STIMATE: variants seen among roughly 807,000 people sequenced by gnomAD.
The protein encoded by STIMATE is store-operated calcium entry regulator STIMATE.
A neutral mutation model predicts 36.7 loss-of-function variants in STIMATE; 15 were observed. The observed-to-expected ratio is 0.41, with a 90% CI of 0.27 to 0.63. STIMATE has a LOEUF of 0.63. STIMATE is among the 20% of genes least tolerant of loss of function. The probability of loss-of-function intolerance (pLI) is 0.32; values close to 1 mark genes in which losing one functional copy is unlikely to be tolerated. For synonymous variants in STIMATE, 163 were observed against 162.3 expected (o/e 1.00, Z -0.03); for missense variants, 305 against 397.3 (o/e 0.77, Z 1.98).
At chr3:52,862,093 C>CTCCTGCCCACTCTGCTAG (rs1334952889) in intron 1 of STIMATE, among the ~76,000 whole-genome samples, 1 of 152,180 alleles carries the variant, frequency 6.6e-6, no homozygotes, top group Non-Finnish European at 1.5e-5. Context: ...GCCAAGTTGT[C>CTCCTGCCCACTCTGCTAG]TCCTGCCCAC....
intron 1 of STIMATE, among the ~76,000 whole-genome samples, chr3:52,878,422 C>T (rs969666528): frequency 1.1e-4 from 16 of 151,874 alleles, no homozygotes; most frequent in South Asian, 2.1e-4. Flanking sequence ...CACCTCTTTG[C>T]CTGGTTTAGG....
chr3:52,847,070 T>C (rs1319276584), intron 4 of STIMATE, among the ~76,000 whole-genome samples: 1 of 152,106 alleles, frequency 6.6e-6, no homozygotes, highest in Non-Finnish European at 1.5e-5. Context: ...GCCTGGCTAA[T>C]TAAAAAAAAT....
At chr3:52,891,267 C>T (rs1701778106) in intron 1 of STIMATE, among the ~76,000 whole-genome samples, 1 of 152,150 alleles carries the variant, frequency 6.6e-6, no homozygotes, top group African/African-American at 2.4e-5. Context: ...ACCCGGCTTA[C>T]ATTTCAGTTC....
intron 2 of STIMATE, among the ~76,000 whole-genome samples, chr3:52,854,161 C>T (rs565772726): frequency 1.3e-5 from 2 of 152,294 alleles, no homozygotes; most frequent in East Asian, 1.9e-4. Context: ...AACACAGGTG[C>T]TAAGAGGAGT....
chr3:52,842,769 G>A (rs769872817), intron 7 of STIMATE, 42 bp downstream of exon 7: 16 of 1,612,496 alleles, frequency 9.9e-6, no homozygotes, highest in Middle Eastern at 1.8e-4. Flanking sequence ...TTGGGCCAGC[G>A]ATACGACGGC....
At position 52,837,451 on chromosome 3, in the gene STIMATE, C is replaced by G. The variant is rs1046170587; in HGVS notation, c.*3043G>C. ...AGCTTGAGGAAGGAGGCCACCAGCACGGCTGAGGGGCCACAGACCCTCCTC... is the reference window on the plus strand; with the variant it reads ...AGCTTGAGGAAGGAGGCCACCAGCAGGGCTGAGGGGCCACAGACCCTCCTC... On this transcript the variant is annotated 3_prime_UTR_variant, in exon 8 of 8. Transcript: ENST00000355083. 5 of 152,232 alleles carry G rather than the reference C, an allele frequency of 3.3e-5. No homozygotes were observed. The East Asian group carries it at 9.7e-4, about 29-fold the overall frequency. 9.4% of individuals were successfully genotyped at this position (152,232 alleles called of 1,614,324 possible).
At chr3:52,851,494 C>G (rs1700996790) in intron 3 of STIMATE, among the ~76,000 whole-genome samples, 1 of 152,240 alleles carries the variant, frequency 6.6e-6, no homozygotes, top group South Asian at 2.1e-4. Context: ...GCAGCCTGTG[C>G]TAGGGTAGGT....
chr3:52,850,022 C>A, intron 3 of STIMATE, 109 bp from the exon 4 acceptor site: 3 of 1,446,070 alleles, frequency 2.1e-6, no homozygotes, highest in Non-Finnish European at 2.7e-6. Flanking sequence ...TTTGTTTGGG[C>A]CCATTCTGGG....
chr3:52,841,890 C>T (rs1322749128), intron 7 of STIMATE: 1 of 152,258 alleles, frequency 6.6e-6, no homozygotes, highest in East Asian at 1.9e-4. Context: ...CACTGTTTGC[C>T]ACTCACCTAA....
intron 3 of STIMATE, among the ~76,000 whole-genome samples, chr3:52,852,061 AAG>A (rs1364861812): frequency 6.6e-6 from 1 of 152,236 alleles, no homozygotes; most frequent in African/African-American, 2.4e-5. Flanking sequence ...TCCACCTGCT[AAG>A]AGAAGCACTA....
At chr3:52,864,117 G>T (rs1005973014) in intron 1 of STIMATE, among the ~76,000 whole-genome samples, 33 of 152,242 alleles carry the variant, frequency 2.2e-4, no homozygotes, top group Admixed American at 9.8e-4. Flanking sequence ...GGGACTCCGT[G>T]TGGGGGCTCC....
chr3:52,859,531 A>AAAAAAAAAT (rs748928249), intron 1 of STIMATE, among the ~76,000 whole-genome samples: 4 of 18,814 alleles, frequency 2.1e-4, no homozygotes, highest in Non-Finnish European at 4.7e-4. Context: ...AAAAAAAAAA[A>AAAAAAAAAT]TTTTTTTTTT....
At chr3:52,853,070 T>C (rs1701035929) in intron 2 of STIMATE, among the ~76,000 whole-genome samples, 1 of 152,230 alleles carries the variant, frequency 6.6e-6, no homozygotes, top group African/African-American at 2.4e-5. Context: ...TAACAAGACG[T>C]GCACAAATCC....
intron 7 of STIMATE, 84 bp from the exon 8 acceptor site, chr3:52,840,694 T>C: frequency 8.1e-7 from 1 of 1,231,220 alleles, no homozygotes; most frequent in Non-Finnish European, 1.1e-6. Context: ...GCCCTTCAAG[T>C]CTCATGTTTT....
rs141613519 is a variant in STIMATE, at chr3:52,895,958, G to A, written c.160+1333C>T. ...GGCTAAGTTGTCACAAATTATTACT[G>A]TGGGAACAAGTGGGTATTTGTTTAG... On this transcript the variant is annotated intron_variant, in intron 1 of 7. Coordinates refer to ENST00000355083, the MANE Select transcript of STIMATE (RefSeq NM_198563.5). 8.6e-4 allele frequency: 1,112 copies of A among 1,289,548 alleles called. 23 individuals are homozygous for A. The East Asian group carries it at 0.042, about 49-fold the overall frequency. 79.9% of individuals were successfully genotyped at this position (1,289,548 alleles called of 1,614,324 possible).
chr3:52,846,477 G>C (rs189152554), intron 4 of STIMATE: 1 of 152,200 alleles, frequency 6.6e-6, no homozygotes, highest in Non-Finnish European at 1.5e-5. Context: ...TGGAGTGTTT[G>C]GGAGCCAGCG....
intron 1 of STIMATE, among the ~76,000 whole-genome samples, chr3:52,881,603 G>C (rs979084869): frequency 6.6e-6 from 1 of 152,110 alleles, no homozygotes; most frequent in Non-Finnish European, 1.5e-5. Flanking sequence ...TTGGGAGGCT[G>C]AGGCAGGAGA....
At chr3:52,846,693 CG>C (rs1439493863) in intron 4 of STIMATE, 2 of 152,164 alleles carry the variant, frequency 1.3e-5, no homozygotes, top group African/African-American at 4.8e-5. Context: ...AGTTCAGAAA[CG>C]TGAGAAAAGA....
chr3:52,870,701 A>G (rs1701387874), intron 1 of STIMATE, among the ~76,000 whole-genome samples: 1 of 152,156 alleles, frequency 6.6e-6, no homozygotes, highest in African/African-American at 2.4e-5. Flanking sequence ...AGGCTGGTCA[A>G]GCGAGTCTTC....
Sources: gnomAD v4.1 joint callset for allele counts (sites outside exome capture counted in the v4.1 genomes callset) on GRCh38, gnomAD v4.1.1 for gene constraint, MANE v1.5 for transcripts, NCBI Gene and HGNC (gene_info 2026-07-23, HGNC 2026-07-21) for gene names.